IFI16: variants seen among roughly 807,000 people sequenced by gnomAD.
IFI16 encodes interferon gamma inducible protein 16, also known as gamma-interferon-inducible protein 16.
Under a neutral mutation model 68.4 loss-of-function variants are expected in IFI16, and 49 were observed. That is an observed-to-expected ratio of 0.72 (90% CI 0.57 to 0.91). IFI16 has a LOEUF of 0.91. IFI16 is among the 40% of genes least tolerant of loss of function. IFI16 has a pLI of 0.00. For missense variants in IFI16, 878 were observed against 942.9 expected (o/e 0.93, Z 0.90); for synonymous variants, 307 against 315.0 (o/e 0.97, Z 0.27).
Position 159,015,928 on chromosome 1 carries a change from G to C in IFI16, c.322G>C (p.Ala108Pro), listed in dbSNP as rs1425349668. Residue 108 changes from alanine (A) to proline (P), a missense_variant, in exon 3 of 12, where the codon GCA becomes CCA. Coordinates refer to ENST00000295809, the MANE Select transcript of IFI16 (RefSeq NM_001376587.1). ...RKKEVDATSP[A>P]PSTSSTVKTE... ...GAAGGAAGTGGATGCTACTTCACCTGCACCCTCCACAAGCAGCACTGTCAA... is the reference window on the plus strand; with the variant it reads ...GAAGGAAGTGGATGCTACTTCACCTCCACCCTCCACAAGCAGCACTGTCAA... The C allele has an allele frequency of 2.5e-6, 4 of 1,614,112 alleles. No homozygotes were observed. Among genetic ancestry groups the C allele is most frequent in the Non-Finnish European group, 3.4e-6 (4 of 1,179,976 alleles).
At chr1:159,020,943 C>T (rs978284569) in intron 6 of IFI16, among the ~76,000 whole-genome samples, 1 of 151,864 alleles carries the variant, frequency 6.6e-6, no homozygotes, top group Non-Finnish European at 1.5e-5. Flanking sequence ...TAATTTGAAA[C>T]TTAAAATTAT....
chr1:159,023,167 A>G (rs1439666345), intron 6 of IFI16, among the ~76,000 whole-genome samples: 1 of 152,022 alleles, frequency 6.6e-6, no homozygotes, highest in Non-Finnish European at 1.5e-5. Context: ...AAAAAGAGTT[A>G]TTTATTTTAG....
upstream of IFI16, among the ~76,000 whole-genome samples, chr1:159,001,345 C>A (rs560589912): frequency 9.5e-4 from 145 of 152,244 alleles, no homozygotes; most frequent in African/African-American, 3.3e-3. Flanking sequence ...CTGAAGATAA[C>A]CAACTGTGAC....
chr1:159,049,553 C>G lies in IFI16; in HGVS notation c.1619C>G (p.Thr540Ser). Residue 540 changes from threonine (T) to serine (S), a missense_variant, in exon 9 of 12, where the codon ACT (threonine) becomes AGT (serine). By Grantham distance (58) the Thr-to-Ser change is moderately conservative (BLOSUM62 1). This residue lies in a region of IFI16 where 311 missense variants were observed against 305.1 expected (regional missense o/e 1.02). Coordinates refer to ENST00000295809, the MANE Select transcript of IFI16 (RefSeq NM_001376587.1). Reference sequence around the variant, plus strand: ...GGCCCAGCTGAGAGCCATCCCCACACTCCTCAGATGCCTCCATCAACACCA... The same window carrying G: ...GGCCCAGCTGAGAGCCATCCCCACAGTCCTCAGATGCCTCCATCAACACCA... Reference protein sequence around the residue: ...SIGPAESHPHTPQMPPSTPSS... With the variant: ...SIGPAESHPHSPQMPPSTPSS... The G allele has an allele frequency of 1.9e-6, 3 of 1,588,734 alleles. No homozygotes were observed. Among genetic ancestry groups the G allele is most frequent in the Non-Finnish European group, 2.6e-6 (3 of 1,170,970 alleles).
chr1:159,018,760 C>T (rs1653105726), intron 5 of IFI16, 109 bp downstream of exon 5: 1 of 756,604 alleles, frequency 1.3e-6, no homozygotes, highest in Non-Finnish European at 2.2e-6. Context: ...GAATCCAGGA[C>T]TCTGAAGACT....
intron 4 of IFI16, among the ~76,000 whole-genome samples, chr1:159,016,943 A>C (rs1209802785): frequency 6.6e-6 from 1 of 152,220 alleles, no homozygotes; most frequent in Non-Finnish European, 1.5e-5. Flanking sequence ...TATGCAGTAC[A>C]GAACTGTCAG....
In IFI16 at chr1:159,032,538, A is replaced by C; in HGVS notation, c.1176A>C (p.Thr392=). The change falls in exon 7 of 12, where the codon ACA becomes ACC. Residue 392 remains threonine (T), a synonymous_variant. Coordinates refer to ENST00000295809, the MANE Select transcript of IFI16 (RefSeq NM_001376587.1). ...MHSFIQIKKK[T]NPRNNDPKSM... is the part of the protein sequence containing the mutation. ...AATACTTTCAGATAAAGAAAAAAAC[A>C]AACCCGAGAAACAATGACCCCAAGA... 2.5e-6 allele frequency: 4 copies of C among 1,578,644 alleles called. No homozygotes were observed. The highest frequency in any genetic ancestry group is 1.7e-4 in the Middle Eastern group (1 of 5,856).
upstream of IFI16, among the ~76,000 whole-genome samples, chr1:159,009,661 A>G (rs1261389586): frequency 1.3e-5 from 2 of 152,230 alleles, no homozygotes; most frequent in African/African-American, 2.4e-5. Flanking sequence ...ATTTGTGTTT[A>G]TATACATTTA....
upstream of IFI16, among the ~76,000 whole-genome samples, chr1:159,008,379 A>G (rs1421678586): frequency 6.6e-6 from 1 of 152,186 alleles, no homozygotes; most frequent in African/African-American, 2.4e-5. Context: ...AAGTGGGGGA[A>G]AATGCACATT....
rs1254641888 is a variant in IFI16, at chr1:159,043,127, T to C, written c.1330-2170T>C. ...TTTTAGACAGTCATTTTTTTGGTTATTAATTTCAAGATTTCATATTTCCCC... is the reference window on the plus strand; with the variant it reads ...TTTTAGACAGTCATTTTTTTGGTTACTAATTTCAAGATTTCATATTTCCCC... On this transcript the variant is annotated intron_variant, in intron 7 of 11. Transcript: ENST00000295809. Among the ~76,000 whole-genome samples the C allele has an allele frequency of 2.6e-5, 4 of 152,342 alleles. No homozygotes were observed. The South Asian group carries it at 6.2e-4, about 24-fold the overall frequency.
rs759664190 is a variant in IFI16, at chr1:159,040,057, T to TA, written c.1330-5236dup. Reference sequence around the variant, plus strand: ...AAATCCAACTGGGCATATGAATAAATAAAATGTATACAAATAGTCACAGCA... The same window carrying TA: ...AAATCCAACTGGGCATATGAATAAATAAAAATGTATACAAATAGTCACAGCA... On this transcript the variant is annotated intron_variant, in intron 7 of 11. Coordinates refer to ENST00000295809, the MANE Select transcript of IFI16 (RefSeq NM_001376587.1). Among the ~76,000 whole-genome samples the TA allele has an allele frequency of 2.0e-4, 31 of 152,232 alleles. 1 individual carries two copies. The East Asian group carries it at 3.3e-3, about 16-fold the overall frequency.
chr1:159,051,405 C>T (rs1655348318), intron 9 of IFI16, among the ~76,000 whole-genome samples: 1 of 152,118 alleles, frequency 6.6e-6, no homozygotes, highest in African/African-American at 2.4e-5. Flanking sequence ...AGGGGATATG[C>T]CTTTTCTTTA....
At chr1:159,014,626 A>T (rs750769502) in intron 1 of IFI16, 35 bp from the exon 2 acceptor site, 1 of 1,397,190 alleles carries the variant, frequency 7.2e-7, no homozygotes, top group African/African-American at 1.4e-5. Context: ...GTCTGTATAC[A>T]TGTGTAACAC....
In IFI16 at chr1:159,016,635, G is replaced by A; in HGVS notation, c.484G>A (p.Ala162Thr). Residue 162 changes from alanine to threonine, a missense_variant, in exon 4 of 12, where the codon GCC becomes ACC. Ala to Thr is a moderately conservative substitution (Grantham distance 58). This residue lies in a region of IFI16 where 443 missense variants were observed against 421.8 expected (regional missense o/e 1.05). Coordinates refer to ENST00000295809, the MANE Select transcript of IFI16 (RefSeq NM_001376587.1). ...TCCTGCAGGAGCCGGCATGTCCACA[G>A]CCATGGGCCGTTCCCCATCTCCCAA... Reference protein sequence around the residue: ...PSPAGAGMSTAMGRSPSPKTS... With the variant: ...PSPAGAGMSTTMGRSPSPKTS... 1 of 1,614,126 alleles carries A rather than the reference G, an allele frequency of 6.2e-7. No homozygotes were observed. The highest frequency in any genetic ancestry group is 8.5e-7 in the Non-Finnish European group (1 of 1,180,004).
chr1:159,041,031 G>T (rs927178299), intron 7 of IFI16, among the ~76,000 whole-genome samples: 5 of 152,166 alleles, frequency 3.3e-5, no homozygotes, highest in Non-Finnish European at 7.3e-5. Flanking sequence ...GGAGGTCCAC[G>T]AGAGTGGCCA....
chr1:159,032,586 G>C lies in IFI16; in HGVS notation c.1224G>C (p.Gln408His). The C allele has an allele frequency of 6.2e-7, 1 of 1,612,474 alleles. No homozygotes were observed. The highest frequency in any genetic ancestry group is 1.1e-5 in the South Asian group (1 of 90,952). ...AGAGCATGAAGCTACCCCAGGAACA[G>C]CGTCAGCTTCCATATCCTTCAGAGG... ...DPKSMKLPQE[Q>H]RQLPYPSEAS... The change falls in exon 7 of 12, where the codon CAG becomes CAC. Residue 408 changes from glutamine to histidine, a missense_variant. By Grantham distance (24) the Gln-to-His change is conservative (BLOSUM62 0). Transcript: ENST00000295809.
At chr1:159,021,318 T>A (rs1460431125) in intron 6 of IFI16, among the ~76,000 whole-genome samples, 1 of 152,190 alleles carries the variant, frequency 6.6e-6, no homozygotes, top group East Asian at 1.9e-4. Context: ...CCTCATAGCT[T>A]ACCTCCCACT....
chr1:159,015,797 C>A, intron 2 of IFI16, 75 bp from the exon 3 acceptor site: 1 of 1,081,852 alleles, frequency 9.2e-7, no homozygotes, highest in Non-Finnish European at 1.4e-6. Context: ...ATTGAAACTG[C>A]TTCAGCTGTC....
In IFI16 at chr1:159,032,678, G is replaced by C; in HGVS notation, c.1316G>C (p.Ser439Thr). Residue 439 changes from serine (S) to threonine (T), a missense_variant, in exon 7 of 12, where the codon AGT (serine) becomes ACT (threonine). By Grantham distance (58) the Ser-to-Thr change is moderately conservative. This residue lies in a region of IFI16 where 443 missense variants were observed against 421.8 expected (regional missense o/e 1.05). Coordinates refer to ENST00000295809, the MANE Select transcript of IFI16 (RefSeq NM_001376587.1). ...ATGCCACCAACAACTCCATCCAGCAGTTTCTTCACCAAGGTACAATTTCCT... is the reference window on the plus strand; with the variant it reads ...ATGCCACCAACAACTCCATCCAGCACTTTCTTCACCAAGGTACAATTTCCT... ...PQMPPTTPSS[S>T]FFTKKSEDTI... 1 of 1,593,210 alleles carries C rather than the reference G, an allele frequency of 6.3e-7. No individual in the cohort carries two copies. The highest frequency in any genetic ancestry group is 8.5e-7 in the Non-Finnish European group (1 of 1,172,750).
Sources: allele counts gnomAD v4.1 joint callset (sites outside exome capture counted in the v4.1 genomes callset), GRCh38; gene constraint gnomAD v4.1.1; regional missense constraint gnomAD v4.1.1; transcripts MANE v1.5; gene names NCBI Gene and HGNC (gene_info 2026-07-23, HGNC 2026-07-21).